Variants in PDE4D observed in about 807,000 individuals in gnomAD.
PDE4D encodes the protein 3',5'-cyclic-AMP phosphodiesterase 4D.
In PDE4D, 24 loss-of-function variants were observed where a neutral mutation model predicts 87.4. The ratio of observed to expected loss-of-function variants is 0.27; its 90% CI spans 0.20 to 0.39. The LOEUF is 0.39. Among genes scored for constraint, PDE4D ranks in the 10% least tolerant of loss-of-function variants. PDE4D has a pLI of 1.00. For synonymous variants in PDE4D, 384 were observed against 383.2 expected (o/e 1.00, Z -0.02); for missense variants, 714 against 1,041.0 (o/e 0.69, Z 4.32).
intron 2 of PDE4D, among the ~76,000 whole-genome samples, chr5:60,137,010 C>T (rs942424278): frequency 2.6e-5 from 4 of 152,056 alleles, no homozygotes; most frequent in African/African-American, 9.7e-5. Flanking sequence ...TTCCCCACTC[C>T]CAATGTGTCC....
chr5:58,981,617 A>G (rs1745192310), intron 11 of PDE4D, among the ~76,000 whole-genome samples: 1 of 152,136 alleles, frequency 6.6e-6, no homozygotes, highest in South Asian at 2.1e-4. Flanking sequence ...CATGACAATT[A>G]TAGTCCTTAT....
intron 1 of PDE4D, among the ~76,000 whole-genome samples, chr5:59,491,819 A>G (rs1002728079): frequency 2.0e-5 from 3 of 152,224 alleles, no homozygotes; most frequent in African/African-American, 7.2e-5. Flanking sequence ...TCCTGGTGAG[A>G]TAGCAGGGAT....
At chr5:59,904,255 T>C (rs1752586544) in intron 3 of PDE4D, among the ~76,000 whole-genome samples, 1 of 152,176 alleles carries the variant, frequency 6.6e-6, no homozygotes, top group East Asian at 1.9e-4. Context: ...CATTTTCTTT[T>C]TGTTTCTTTC....
intron 5 of PDE4D, among the ~76,000 whole-genome samples, chr5:59,178,663 CACA>C (rs886396275): frequency 6.6e-6 from 1 of 152,124 alleles, no homozygotes; most frequent in Non-Finnish European, 1.5e-5. Flanking sequence ...TGTTGTCAGC[CACA>C]ACAATTTCCA....
chr5:59,587,488 TGCTGGAGTCCCCCA>T, intron 1 of PDE4D: 1 of 985,444 alleles, frequency 1.0e-6, no homozygotes, highest in East Asian at 1.1e-4. Context: ...AACAGGCTCC[TGCTGGAGTCCCCCA>T]GCGCCGAATT....
intron 1 of PDE4D, among the ~76,000 whole-genome samples, chr5:59,822,142 T>C (rs1419751285): frequency 6.6e-6 from 1 of 152,236 alleles, no homozygotes; most frequent in African/African-American, 2.4e-5. Flanking sequence ...TCTATTTATA[T>C]ATGATATAAT....
At chr5:59,241,237 A>T (rs1757604085) in intron 1 of PDE4D, among the ~76,000 whole-genome samples, 1 of 152,216 alleles carries the variant, frequency 6.6e-6, no homozygotes, top group African/African-American at 2.4e-5. Context: ...ATAAAAGGGC[A>T]TTCAACAACT....
intron 1 of PDE4D, among the ~76,000 whole-genome samples, chr5:60,300,734 C>G (rs996755392): frequency 2.0e-5 from 3 of 151,388 alleles, no homozygotes; most frequent in African/African-American, 7.3e-5. Context: ...TTTCTGAGTT[C>G]TCTATTCTCT....
chr5:59,218,122 A>C (rs80157299), intron 1 of PDE4D: 5,753 of 306,868 alleles, frequency 0.019, 289 homozygotes, highest in African/African-American at 0.11. Context: ...TTTCTCTTCT[A>C]AGAAGATAGT....
chr5:59,410,860 C>G (rs1385808629), intron 1 of PDE4D, among the ~76,000 whole-genome samples: 3 of 152,116 alleles, frequency 2.0e-5, no homozygotes, highest in Non-Finnish European at 4.4e-5. Flanking sequence ...ATTTTTCTAT[C>G]TCCTCTCTTG....
intron 1 of PDE4D, among the ~76,000 whole-genome samples, chr5:60,335,468 G>A (rs778854300): frequency 6.6e-6 from 1 of 152,130 alleles, no homozygotes; most frequent in African/African-American, 2.4e-5. Context: ...TGGCTCTTGG[G>A]TCCTTGAGAA....
intron 1 of PDE4D, among the ~76,000 whole-genome samples, chr5:59,581,899 A>G (rs549436448): frequency 2.6e-5 from 4 of 152,278 alleles, no homozygotes; most frequent in South Asian, 4.1e-4. Flanking sequence ...TTGCTACACT[A>G]TATCTAAACC....
intron 1 of PDE4D, among the ~76,000 whole-genome samples, chr5:60,413,048 A>G (rs1012546676): frequency 5.9e-5 from 9 of 152,186 alleles, no homozygotes; most frequent in African/African-American, 1.9e-4. Flanking sequence ...GTCATGGAAT[A>G]TATGTATAAT....
At chr5:59,095,411 A>G (rs1031193247) in intron 5 of PDE4D, among the ~76,000 whole-genome samples, 1 of 151,996 alleles carries the variant, frequency 6.6e-6, no homozygotes, top group African/African-American at 2.4e-5. Flanking sequence ...TACAAAGGAT[A>G]TGGTTTATCA....
At chr5:58,984,793 T>G (rs1294519384) in intron 11 of PDE4D, among the ~76,000 whole-genome samples, 4 of 152,224 alleles carry the variant, frequency 2.6e-5, no homozygotes, top group African/African-American at 9.6e-5. Flanking sequence ...CCAAGTAAAA[T>G]TTAATGCTAT....
At chr5:60,202,957 T>C (rs188502393) in intron 1 of PDE4D, among the ~76,000 whole-genome samples, 2 of 152,276 alleles carry the variant, frequency 1.3e-5, no homozygotes, top group African/African-American at 4.8e-5. Context: ...AAAGCCTTGT[T>C]CATAATAATA....
At position 59,615,921 on chromosome 5, in the gene PDE4D, G is replaced by A. The variant is rs187725277; in HGVS notation, c.455+277247C>T. On this transcript the variant is annotated intron_variant, in intron 1 of 14. Transcript: ENST00000340635. ...AGAAGTCCTCAAAATGGCCTTCTAG[G>A]AGTCTAGAAAAAGTAAACGTATTTT... Among the ~76,000 whole-genome samples the A allele has an allele frequency of 1.8e-3, 273 of 151,992 alleles. 1 individual carries two copies. Among genetic ancestry groups the A allele is most frequent in the African/African-American group, 5.2e-3 (217 of 41,458 alleles).
chr5:60,114,876 ATGTG>A (rs1005204814), intron 2 of PDE4D, among the ~76,000 whole-genome samples: 1 of 151,922 alleles, frequency 6.6e-6, no homozygotes, highest in Non-Finnish European at 1.5e-5. Context: ...GTGTGTATGT[ATGTG>A]TGTGTATATA....
At chr5:60,072,183 T>C (rs1772797682) in intron 2 of PDE4D, among the ~76,000 whole-genome samples, 1 of 152,190 alleles carries the variant, frequency 6.6e-6, no homozygotes, top group African/African-American at 2.4e-5. Context: ...CCAGTATCTG[T>C]TATTTTCTGA....
Sources: allele counts gnomAD v4.1 joint callset (sites outside exome capture counted in the v4.1 genomes callset), GRCh38; gene constraint gnomAD v4.1.1; transcripts MANE v1.5; gene names NCBI Gene and HGNC (gene_info 2026-07-23, HGNC 2026-07-21).